The following AGMO variants were observed in gnomAD, a reference collection of about 807,000 sequenced individuals.
AGMO encodes glyceryl-ether monooxygenase.
AGMO carries 75 observed loss-of-function variants against 60.2 expected under a neutral mutation model. The ratio of observed to expected loss-of-function variants is 1.25; its 90% CI spans 1.03 to 1.51. AGMO has a LOEUF of 1.51. Among genes scored for constraint, AGMO ranks in the 40% most tolerant of loss-of-function variants. The probability of loss-of-function intolerance (pLI) is 0.00; values close to 1 mark genes in which losing one functional copy is unlikely to be tolerated. For synonymous variants in AGMO, 261 were observed against 177.1 expected, an observed-to-expected ratio of 1.47 and a Z score of -3.76; for missense variants, 763 against 525.5, an observed-to-expected ratio of 1.45 and a Z score of -4.42.
chr7:15,396,002 C>CCATCAT (rs758439264), intron 5 of AGMO: 3 of 152,132 alleles, frequency 2.0e-5, no homozygotes, highest in Non-Finnish European at 4.4e-5. Context: ...GGGACAGGAG[C>CCATCAT]CATCATCATC....
intron 3 of AGMO, among the ~76,000 whole-genome samples, chr7:15,521,880 T>C (rs747505377): frequency 5.3e-5 from 8 of 152,136 alleles, no homozygotes; most frequent in Non-Finnish European, 1.0e-4. Flanking sequence ...ATAAAGGGTA[T>C]TCAAATAGGA....
intron 12 of AGMO, among the ~76,000 whole-genome samples, chr7:15,237,488 T>C (rs1484277501): frequency 6.6e-6 from 1 of 151,496 alleles, no homozygotes; most frequent in Non-Finnish European, 1.5e-5. Flanking sequence ...TAGAGAGTGT[T>C]TTTTTTTTCT....
At chr7:15,333,109 T>G (rs1563092524) in intron 12 of AGMO, among the ~76,000 whole-genome samples, 1 of 152,154 alleles carries the variant, frequency 6.6e-6, no homozygotes, top group Non-Finnish European at 1.5e-5. Context: ...AATGTGATGA[T>G]ACAGCTGACA....
chr7:15,148,554 G>C, the AGMO span, among the ~76,000 whole-genome samples: 1 of 151,934 alleles, frequency 6.6e-6, no homozygotes, highest in South Asian at 2.1e-4. Context: ...TCAAGGTTTA[G>C]TTCCCACTTA....
At chr7:15,271,118 G>C (rs1783598505) in intron 12 of AGMO, among the ~76,000 whole-genome samples, 1 of 152,024 alleles carries the variant, frequency 6.6e-6, no homozygotes, top group Non-Finnish European at 1.5e-5. Flanking sequence ...ATCCAGATTT[G>C]TTCTTTTTGT....
chr7:15,323,095 A>T (rs564042018), intron 12 of AGMO, among the ~76,000 whole-genome samples: 3 of 151,962 alleles, frequency 2.0e-5, no homozygotes, highest in African/African-American at 7.2e-5. Flanking sequence ...TAATGTTTAA[A>T]TAAGCCTAGT....
At chr7:15,448,559 TA>T (rs1781767567) in intron 3 of AGMO, among the ~76,000 whole-genome samples, 1 of 151,622 alleles carries the variant, frequency 6.6e-6, no homozygotes. Flanking sequence ...GCTTTAAGCA[TA>T]AAAGTTCAAA....
the AGMO span, among the ~76,000 whole-genome samples, chr7:15,153,258 A>C: frequency 6.6e-6 from 1 of 151,814 alleles, no homozygotes; most frequent in African/African-American, 2.4e-5. Flanking sequence ...TGTCAGATAT[A>C]CAGATTGTGA....
intron 12 of AGMO, among the ~76,000 whole-genome samples, chr7:15,351,666 A>C (rs551274390): frequency 6.6e-6 from 1 of 152,342 alleles, no homozygotes; most frequent in Non-Finnish European, 1.5e-5. Context: ...GCTTTAGGAA[A>C]ATAATGACAT....
intron 3 of AGMO, among the ~76,000 whole-genome samples, chr7:15,528,897 C>G (rs1010532238): frequency 2.0e-5 from 3 of 152,128 alleles, no homozygotes; most frequent in African/African-American, 7.2e-5. Context: ...ATCCGCTTGC[C>G]TCAGCCTCCC....
At chr7:15,234,266 T>TA (rs1314255419) in intron 12 of AGMO, among the ~76,000 whole-genome samples, 1 of 152,210 alleles carries the variant, frequency 6.6e-6, no homozygotes, top group Non-Finnish European at 1.5e-5. Flanking sequence ...AAAGGGGACT[T>TA]AGCTATTTCC....
At chr7:15,560,695 C>T (rs145650209) in intron 1 of AGMO, among the ~76,000 whole-genome samples, 12 of 152,216 alleles carry the variant, frequency 7.9e-5, no homozygotes, top group Admixed American at 4.6e-4. Context: ...ATTAGACTTA[C>T]CAGAACTATT....
intron 2 of AGMO, among the ~76,000 whole-genome samples, chr7:15,547,133 G>T: frequency 7.1e-6 from 1 of 140,636 alleles, no homozygotes; most frequent in Admixed American, 7.1e-5. Context: ...GTGCATCATA[G>T]AATGTATTCC....
chr7:15,394,654 C>A (rs530781807), intron 5 of AGMO, among the ~76,000 whole-genome samples: 1 of 152,220 alleles, frequency 6.6e-6, no homozygotes, highest in African/African-American at 2.4e-5. Context: ...GCTTTATTTA[C>A]GGGAGCAGGG....
At chr7:15,133,575 G>A in the AGMO span, among the ~76,000 whole-genome samples, 121 of 152,192 alleles carry the variant, frequency 8.0e-4, no homozygotes, top group African/African-American at 2.8e-3. Flanking sequence ...AAATAGGTAA[G>A]TAATAAATTC....
At chr7:15,291,438 T>C (rs1784260016) in intron 12 of AGMO, among the ~76,000 whole-genome samples, 1 of 152,226 alleles carries the variant, frequency 6.6e-6, no homozygotes, top group African/African-American at 2.4e-5. Flanking sequence ...TATAGTGTTC[T>C]TCTTAAGTAT....
chr7:15,334,022 T>G (rs1238076885), intron 12 of AGMO, among the ~76,000 whole-genome samples: 3 of 152,124 alleles, frequency 2.0e-5, no homozygotes. Flanking sequence ...AAGTTTATTT[T>G]TCACAATACC....
chr7:15,243,456 T>C (rs896183400), intron 12 of AGMO, among the ~76,000 whole-genome samples: 1 of 152,088 alleles, frequency 6.6e-6, no homozygotes, highest in Non-Finnish European at 1.5e-5. Flanking sequence ...TTATTCTCTG[T>C]TTGGGAATTG....
chr7:15,353,190 C>T (rs1186251416), intron 12 of AGMO, among the ~76,000 whole-genome samples: 2 of 152,114 alleles, frequency 1.3e-5, no homozygotes, highest in Non-Finnish European at 2.9e-5. Flanking sequence ...TAAGCTGCTG[C>T]TCGTAATTCA....
Sources: gnomAD v4.1 joint callset for allele counts (sites outside exome capture counted in the v4.1 genomes callset) on GRCh38, gnomAD v4.1.1 for gene constraint, MANE v1.5 for transcripts, NCBI Gene and HGNC (gene_info 2026-07-23, HGNC 2026-07-21) for gene names.